The following UGT1A8 variants were observed in gnomAD, a reference collection of about 807,000 sequenced individuals.
UGT1A8 encodes UDP-glucuronosyltransferase 1A8.
Under a neutral mutation model 45.3 loss-of-function variants are expected in UGT1A8, and 39 were observed. That is an observed-to-expected ratio of 0.86 (90% CI 0.67 to 1.12). UGT1A8 has a LOEUF of 1.12. Ranked by LOEUF, UGT1A8 falls within the 50% of genes most tolerant of loss-of-function variation. UGT1A8 has a pLI of 0.00. For missense variants in UGT1A8, 719 were observed against 664.9 expected, an observed-to-expected ratio of 1.08 and a Z score of -0.90; for synonymous variants, 275 against 249.2, an observed-to-expected ratio of 1.10 and a Z score of -0.97.
At chr2:233,737,806 C>T (rs575024235) in intron 1 of UGT1A8, among the ~76,000 whole-genome samples, 1 of 152,098 alleles carries the variant, frequency 6.6e-6, no homozygotes, top group Non-Finnish European at 1.5e-5. Context: ...TCACTATCAT[C>T]TCAGTGGAGC....
At position 233,747,626 on chromosome 2, in the gene UGT1A8, C is replaced by G. The variant is rs546895525; in HGVS notation, c.856-19408C>G. 8.9e-6 allele frequency: 14 copies of G among 1,577,506 alleles called. No homozygotes were observed. The African/African-American group carries it at 1.8e-4, about 20-fold the overall frequency. ...AGCTACTGCATAATGAGGCCCTGAT[C>G]AGGCACCTGAATGCTACTTCCTTCG... On this transcript the variant is annotated intron_variant, in intron 1 of 4. Coordinates refer to ENST00000373450, the MANE Select transcript of UGT1A8 (RefSeq NM_019076.5).
intron 1 of UGT1A8, among the ~76,000 whole-genome samples, chr2:233,739,223 T>C (rs1465216859): frequency 3.3e-5 from 5 of 152,316 alleles, no homozygotes; most frequent in African/African-American, 4.8e-5. Context: ...AGAGTCCTTA[T>C]AGAGAACCTC....
chr2:233,743,773 C>T (rs367921172), intron 1 of UGT1A8: 3 of 1,367,248 alleles, frequency 2.2e-6, no homozygotes, highest in Non-Finnish European at 2.0e-6. Flanking sequence ...CCTCGGCCAC[C>T]TGCTTGAATC....
intron 1 of UGT1A8, among the ~76,000 whole-genome samples, chr2:233,698,126 G>T (rs753031905): frequency 2.0e-5 from 3 of 152,148 alleles, no homozygotes; most frequent in Admixed American, 1.3e-4. Flanking sequence ...GCTTGACCTT[G>T]TTTGTGTCTC....
chr2:233,719,258 T>C (rs2076743252), intron 1 of UGT1A8: 1 of 1,614,162 alleles, frequency 6.2e-7, no homozygotes, highest in Non-Finnish European at 8.5e-7. Flanking sequence ...CTACTTCCTT[T>C]GATGTGGTTT....
At chr2:233,733,916 G>A (rs1485118411) in intron 1 of UGT1A8, among the ~76,000 whole-genome samples, 2 of 151,970 alleles carry the variant, frequency 1.3e-5, no homozygotes, top group South Asian at 2.1e-4. Context: ...GGTAGAATTC[G>A]GCTGTGAGGA....
At chr2:233,721,840 G>A in intron 1 of UGT1A8, 1 of 515,588 alleles carries the variant, frequency 1.9e-6, no homozygotes, top group Non-Finnish European at 3.9e-6. Flanking sequence ...CCGACCTTGT[G>A]TCCAGCCCCA....
intron 1 of UGT1A8, among the ~76,000 whole-genome samples, chr2:233,727,645 C>T (rs1332345020): frequency 3.9e-5 from 6 of 152,104 alleles, no homozygotes; most frequent in South Asian, 2.1e-4. Context: ...GCTGAGAATC[C>T]CTTTCTAGTG....
At chr2:233,708,233 A>G (rs1227435059) in intron 1 of UGT1A8, among the ~76,000 whole-genome samples, 2 of 152,190 alleles carry the variant, frequency 1.3e-5, no homozygotes, top group African/African-American at 4.8e-5. Context: ...TCCCTTAGCA[A>G]TGTATAAGTG....
At chr2:233,758,428 C>T (rs1696877541) in intron 1 of UGT1A8, among the ~76,000 whole-genome samples, 2 of 152,212 alleles carry the variant, frequency 1.3e-5, no homozygotes. Context: ...CAAATGAACT[C>T]ACACAGCATT....
chr2:233,637,018 G>C, intron 1 of UGT1A8: 1 of 1,614,012 alleles, frequency 6.2e-7, no homozygotes, highest in Non-Finnish European at 8.5e-7. Flanking sequence ...CCTCCCCTCT[G>C]TGGTCTTCAC....
At chr2:233,747,182 T>C (rs1414882979) in intron 1 of UGT1A8, 87 of 1,602,200 alleles carry the variant, frequency 5.4e-5, no homozygotes, top group South Asian at 4.3e-4. Flanking sequence ...CAGCGTGGGG[T>C]GGACAGTCAG....
chr2:233,620,144 G>C (rs1406607527), intron 1 of UGT1A8, among the ~76,000 whole-genome samples: 1 of 152,196 alleles, frequency 6.6e-6, no homozygotes, highest in African/African-American at 2.4e-5. Flanking sequence ...GTTGGTGAAA[G>C]AGTGACCGTT....
intron 1 of UGT1A8, among the ~76,000 whole-genome samples, chr2:233,711,736 A>T (rs2076194358): frequency 6.6e-6 from 1 of 152,220 alleles, no homozygotes; most frequent in Non-Finnish European, 1.5e-5. Context: ...GCAATGGCAG[A>T]CACGGCCAGG....
intron 4 of UGT1A8, among the ~76,000 whole-genome samples, chr2:233,771,929 A>G (rs1433247357): frequency 6.6e-6 from 1 of 152,182 alleles, no homozygotes; most frequent in African/African-American, 2.4e-5. Flanking sequence ...AGCCTGGGCA[A>G]CACAATAAGA....
intron 1 of UGT1A8, among the ~76,000 whole-genome samples, chr2:233,709,770 T>C (rs1158323937): frequency 1.3e-5 from 2 of 152,254 alleles, no homozygotes; most frequent in Non-Finnish European, 1.5e-5. Flanking sequence ...ATTATTTACA[T>C]GCAATAAAGT....
At chr2:233,757,978 G>A (rs979360381) in intron 1 of UGT1A8, among the ~76,000 whole-genome samples, 2 of 152,062 alleles carry the variant, frequency 1.3e-5, no homozygotes, top group Non-Finnish European at 2.9e-5. Context: ...AGCCCCTAGA[G>A]CACCATCCCC....
At chr2:233,636,934 A>C (rs549814541) in intron 1 of UGT1A8, 2 of 1,614,142 alleles carry the variant, frequency 1.2e-6, no homozygotes, top group African/African-American at 2.7e-5. Flanking sequence ...AGAATACTTA[A>C]AGGAGAGTTC....
chr2:233,716,337 C>T (rs17868335), intron 1 of UGT1A8, among the ~76,000 whole-genome samples: 4 of 152,208 alleles, frequency 2.6e-5, no homozygotes, highest in African/African-American at 4.8e-5. Flanking sequence ...CCCAGGTTTG[C>T]GCAACTACAA....
Sources: gnomAD v4.1 joint callset for allele counts (sites outside exome capture counted in the v4.1 genomes callset) on GRCh38, gnomAD v4.1.1 for gene constraint, MANE v1.5 for transcripts, NCBI Gene and HGNC (gene_info 2026-07-23, HGNC 2026-07-21) for gene names.